The following HNRNPA1 variants were observed in gnomAD, a reference collection of about 807,000 sequenced individuals.
HNRNPA1 encodes the protein heterogeneous nuclear ribonucleoprotein A1.
In HNRNPA1, 7 loss-of-function variants were observed where a neutral mutation model predicts 44.4. That is an observed-to-expected ratio of 0.16 (90% CI 0.09 to 0.30). The LOEUF is 0.30. Ranked by LOEUF, HNRNPA1 falls within the 10% of genes least tolerant of loss-of-function variation. The pLI, the probability that HNRNPA1 is intolerant of heterozygous loss-of-function variation, is 1.00. For missense variants in HNRNPA1, 193 were observed against 465.8 expected (o/e 0.41, Z 5.39); for synonymous variants, 169 against 160.6 (o/e 1.05, Z -0.40).
At position 54,285,652 on chromosome 12, in the gene HNRNPA1, CACA is replaced by C. The variant is rs1944252847; in HGVS notation, c.*1111_*1113del. 1 of 152,080 alleles carries C rather than the reference CACA, an allele frequency of 6.6e-6. No homozygotes were observed. Among genetic ancestry groups the C allele is most frequent in the African/African-American group, 2.4e-5 (1 of 41,388 alleles). The allele number at this position is 152,080 out of a possible 1,614,324, so 9.4% of individuals were successfully genotyped here. On this transcript the variant is annotated 3_prime_UTR_variant, in exon 11 of 11. Coordinates refer to ENST00000340913, the MANE Select transcript of HNRNPA1 (RefSeq NM_031157.4). ...TTTCCCTTTATGGCACAAGGGGTCA[CACA>C]ACCTACCTAAAATGTTAATTGTATA...
rs575867518 is a variant in HNRNPA1, at chr12:54,281,956, TTTCTTC to T, written c.279+24_279+29del. 5.5e-5 allele frequency: 88 copies of T among 1,612,166 alleles called. No individual in the cohort carries two copies. In the South Asian group the frequency reaches 7.4e-4, roughly 13 times the overall value. Reference sequence around the variant, plus strand: ...TCTCCAGAGAAGTGAGTGGGTTTTTTTTCTTCTTCTTCTTAAACTTACTTGGATATG... The same window carrying T: ...TCTCCAGAGAAGTGAGTGGGTTTTTTTTCTTCTTAAACTTACTTGGATATG... On this transcript the variant is annotated intron_variant, in intron 3 of 10. Transcript: ENST00000340913.
At position 54,286,499 on chromosome 12, in the gene HNRNPA1, T is replaced by C. The variant is rs571559475; in HGVS notation, c.*1955T>C. On this transcript the variant is annotated 3_prime_UTR_variant, in exon 11 of 11. Coordinates refer to ENST00000340913, the MANE Select transcript of HNRNPA1 (RefSeq NM_031157.4). ...CTGTGAATATAAATTTTTGCCCTTT[T>C]ATTTATCTTCCTTTGACCCATTTCC... 6.6e-6 allele frequency: 1 copy of C among 152,230 alleles called. No homozygotes were observed. The highest frequency in any genetic ancestry group is 2.1e-4 in the South Asian group (1 of 4,820). The allele number at this position is 152,230 out of a possible 1,614,324, so 9.4% of individuals were successfully genotyped here.
intron 2 of HNRNPA1, 146 bp from the exon 3 acceptor site, chr12:54,281,649 G>C: frequency 1.9e-6 from 2 of 1,041,336 alleles, no homozygotes; most frequent in African/African-American, 1.6e-5. Context: ...GATTTTAAAA[G>C]CTACCTCTTA....
In HNRNPA1 at chr12:54,284,134, C is replaced by T. The variant is rs1192805091; in HGVS notation, c.1064-124C>T. 2.4e-6 allele frequency: 3 copies of T among 1,248,084 alleles called. No individual in the cohort carries two copies. The African/African-American group carries it at 4.6e-5, about 19-fold the overall frequency. The allele number at this position is 1,248,084 out of a possible 1,614,324, so 77.3% of individuals were successfully genotyped here. A position where few individuals can be genotyped will look rare whatever the true frequency, so the allele number is the denominator to read the frequency against. On this transcript the variant is annotated intron_variant, in intron 9 of 10. Coordinates refer to ENST00000340913, the MANE Select transcript of HNRNPA1 (RefSeq NM_031157.4). ...TAGAAAAATCATGGGACCTCTTTAC[C>T]ACCTCCCTTGTAGTAGGGCCATTTT...
intron 1 of HNRNPA1, chr12:54,281,156 C>G (rs1279484029): frequency 1.6e-5 from 11 of 698,514 alleles, no homozygotes; most frequent in South Asian, 1.0e-4. Context: ...ACCGCCCAAG[C>G]CTTTGTTGCG....
chr12:54,285,373 T>G lies in HNRNPA1; in HGVS notation c.*829T>G, dbSNP rs1464689507. On this transcript the variant is annotated 3_prime_UTR_variant, in exon 11 of 11. Coordinates refer to ENST00000340913, the MANE Select transcript of HNRNPA1 (RefSeq NM_031157.4). ...CAAAGCTCTGCCAGGGAATAGAAAC[T>G]AGCTGCTGGCTAATGCCGCTCCATA... 6.6e-6 allele frequency: 1 copy of G among 152,220 alleles called. No homozygotes were observed. The highest frequency in any genetic ancestry group is 1.5e-5 in the Non-Finnish European group (1 of 68,048). The allele number at this position is 152,220 out of a possible 1,614,324, so 9.4% of individuals were successfully genotyped here.
At chr12:54,283,359 T>C (rs1944209928) in intron 8 of HNRNPA1, 125 bp downstream of exon 8, 1 of 1,055,570 alleles carries the variant, frequency 9.5e-7, no homozygotes, top group Non-Finnish European at 1.4e-6. Flanking sequence ...ATGGGCTTGC[T>C]ATGCTACCTC....
In HNRNPA1 at chr12:54,286,841, C is replaced by G. The variant is rs934293925; in HGVS notation, c.*2297C>G. 6.6e-6 allele frequency: 1 copy of G among 152,124 alleles called. No homozygotes were observed. The highest frequency in any genetic ancestry group is 1.5e-5 in the Non-Finnish European group (1 of 68,028). 9.4% of individuals were successfully genotyped at this position (152,124 alleles called of 1,614,324 possible). A position where few individuals can be genotyped will look rare whatever the true frequency, so the allele number is the denominator to read the frequency against. On this transcript the variant is annotated 3_prime_UTR_variant, in exon 11 of 11. Transcript: ENST00000340913. ...AACACTTCGTAATCTCATCCAATTGCAAAAAGAGTTATTAGCCAACCAGGT... is the reference window on the plus strand; with the variant it reads ...AACACTTCGTAATCTCATCCAATTGGAAAAAGAGTTATTAGCCAACCAGGT...
At chr12:54,284,364 G>C (rs754089897) in intron 10 of HNRNPA1, 47 bp downstream of exon 10, 4 of 1,499,330 alleles carry the variant, frequency 2.7e-6, no homozygotes, top group Non-Finnish European at 3.7e-6. Flanking sequence ...TTAAATTGCT[G>C]ATGAACCCAA....
Position 54,286,343 on chromosome 12 carries a change from A to G in HNRNPA1, c.*1799A>G, listed in dbSNP as rs1441176122. 1 of 152,178 alleles carries G rather than the reference A, an allele frequency of 6.6e-6. No homozygotes were observed. The highest frequency in any genetic ancestry group is 1.5e-5 in the Non-Finnish European group (1 of 68,036). 9.4% of individuals were successfully genotyped at this position (152,178 alleles called of 1,614,324 possible). A position where few individuals can be genotyped will look rare whatever the true frequency, so the allele number is the denominator to read the frequency against. On this transcript the variant is annotated 3_prime_UTR_variant, in exon 11 of 11. Coordinates refer to ENST00000340913, the MANE Select transcript of HNRNPA1 (RefSeq NM_031157.4). ...TTACTTAAAGTCCAGTTTTCTGTTA[A>G]ACATTTTTCTTAATATATTGAGCCA... is the stretch of plus-strand genomic sequence containing the variant.
At chr12:54,282,043 C>A (rs370297565) in intron 3 of HNRNPA1, 47 bp from the exon 4 acceptor site, 2 of 1,594,360 alleles carry the variant, frequency 1.3e-6, no homozygotes, top group Admixed American at 1.7e-5. Context: ...ATTTTTTATT[C>A]GAGTATAGGC....
rs528553227 is a variant in HNRNPA1, at chr12:54,285,955, TGGAA to T, written c.*1412_*1415del. ...TACTGGCTGAGTTTGCAATAGCAGG[TGGAA>T]CCCTAACTATTGAGGGAGTTTGCAG... On this transcript the variant is annotated 3_prime_UTR_variant, in exon 11 of 11. Transcript: ENST00000340913. The T allele has an allele frequency of 3.7e-4, 56 of 152,216 alleles. No individual in the cohort carries two copies. Among genetic ancestry groups the T allele is most frequent in the African/African-American group, 1.3e-3 (54 of 41,534 alleles). 9.4% of individuals were successfully genotyped at this position (152,216 alleles called of 1,614,324 possible). A position where few individuals can be genotyped will look rare whatever the true frequency, so the allele number is the denominator to read the frequency against.
At position 54,282,425 on chromosome 12, in the gene HNRNPA1, C is replaced by T. The variant is rs780016100; in HGVS notation, c.522C>T (p.Asn174=). The T allele has an allele frequency of 6.2e-7, 1 of 1,613,436 alleles. No individual in the cohort carries two copies. Among genetic ancestry groups the T allele is most frequent in the Admixed American group, 1.7e-5 (1 of 60,010 alleles). The change falls in exon 5 of 11, where the codon AAC becomes AAT. Residue 174 remains asparagine, a synonymous_variant. Transcript: ENST00000340913. Reference sequence around the variant, plus strand: ...AATACCATACTGTGAATGGCCACAACTGTGAAGTTAGAAAAGCCCTGTCAA... The same window carrying T: ...AATACCATACTGTGAATGGCCACAATTGTGAAGTTAGAAAAGCCCTGTCAA... ...IQKYHTVNGH[N]CEVRKALSKQ...
Position 54,284,245 on chromosome 12 carries a change from T to A in HNRNPA1, c.1064-13T>A. 6.2e-7 allele frequency: 1 copy of A among 1,612,228 alleles called. No homozygotes were observed. Among genetic ancestry groups the A allele is most frequent in the Non-Finnish European group, 8.5e-7 (1 of 1,179,354 alleles). On this transcript the variant is annotated splice_polypyrimidine_tract_variant and intron_variant, in intron 9 of 10. Coordinates refer to ENST00000340913, the MANE Select transcript of HNRNPA1 (RefSeq NM_031157.4). ...GCACTTTGAAACTTTAAAAGAAAAA[T>A]TGTACTTTTCAGGTGGCTATGGCGG...
Position 54,282,544 on chromosome 12 carries a change from G to T in HNRNPA1, c.584-29G>T, listed in dbSNP as rs950198217. The T allele has an allele frequency of 1.9e-6, 3 of 1,610,876 alleles. No homozygotes were observed. In the African/African-American group the frequency reaches 4.0e-5, roughly 22 times the overall value. On this transcript the variant is annotated intron_variant, in intron 5 of 10. Coordinates refer to ENST00000340913, the MANE Select transcript of HNRNPA1 (RefSeq NM_031157.4). ...AACTTTGAGTTACTCCAGTATGAAT[G>T]ATTTAATGCTTAAACTTCATGTCTT...
intron 8 of HNRNPA1, among the ~76,000 whole-genome samples, 179 bp downstream of exon 8, chr12:54,283,413 G>C (rs932028621): frequency 1.3e-5 from 2 of 152,150 alleles, no homozygotes; most frequent in South Asian, 4.1e-4. Context: ...AAATAGTAGA[G>C]ATAAGTGGAT....
intron 1 of HNRNPA1, 82 bp downstream of exon 1, chr12:54,280,904 G>T: frequency 1.4e-6 from 2 of 1,465,130 alleles, no homozygotes; most frequent in African/African-American, 2.8e-5. Flanking sequence ...TTCGTTCCTT[G>T]CACCAGCCCA....
chr12:54,282,341 CTGTA>C (rs1565880318), intron 4 of HNRNPA1, 41 bp downstream of exon 4: 4 of 1,610,168 alleles, frequency 2.5e-6, no homozygotes, highest in African/African-American at 1.3e-5. Context: ...GTTCCACAAT[CTGTA>C]TGGCATTCTA....
In HNRNPA1 at chr12:54,282,245, A is replaced by G. The variant is rs758841468; in HGVS notation, c.435A>G (p.Lys145=). The part of the protein sequence containing the change: ...EIMTDRGSGK[K]RGFAFVTFDD... ...TGACTGACCGAGGCAGTGGCAAGAAAAGGGGCTTTGCCTTTGTAACCTTTG... is the reference window on the plus strand; with the variant it reads ...TGACTGACCGAGGCAGTGGCAAGAAGAGGGGCTTTGCCTTTGTAACCTTTG... The change falls in exon 4 of 11, where the codon AAA becomes AAG. Residue 145 remains lysine (K), a synonymous_variant. Transcript: ENST00000340913. The G allele has an allele frequency of 1.4e-5, 23 of 1,612,322 alleles. No individual in the cohort carries two copies. The highest frequency in any genetic ancestry group is 2.7e-5 in the African/African-American group (2 of 74,932).
Sources: allele counts gnomAD v4.1 joint callset (sites outside exome capture counted in the v4.1 genomes callset), GRCh38; gene constraint gnomAD v4.1.1; transcripts MANE v1.5; gene names NCBI Gene and HGNC (gene_info 2026-07-23, HGNC 2026-07-21).